The following USP46 variants were observed in gnomAD, a reference collection of about 807,000 sequenced individuals.
USP46 encodes the protein ubiquitin carboxyl-terminal hydrolase 46.
Under a neutral mutation model 44.4 loss-of-function variants are expected in USP46, and 12 were observed. The observed-to-expected ratio is 0.27, with a 90% confidence interval of 0.17 to 0.44. The LOEUF (loss-of-function observed/expected upper bound fraction) is 0.44, where lower values mean the gene tolerates loss of function less well. Ranked by LOEUF, USP46 falls within the 20% of genes least tolerant of loss-of-function variation. USP46 has a pLI of 1.00. For missense variants in USP46, 248 were observed against 444.8 expected (o/e 0.56, Z 3.98); for synonymous variants, 155 against 161.5 (o/e 0.96, Z 0.31).
chr4:52,591,510 A>G lies in USP46; in HGVS notation c.*6130T>C, dbSNP rs1716010342. 1 of 152,222 alleles carries G rather than the reference A, an allele frequency of 6.6e-6. No individual in the cohort carries two copies. The highest frequency in any genetic ancestry group is 1.5e-5 in the Non-Finnish European group (1 of 68,036). 9.4% of individuals were successfully genotyped at this position (152,222 alleles called of 1,614,324 possible). A position where few individuals can be genotyped will look rare whatever the true frequency, so the allele number is the denominator to read the frequency against. On this transcript the variant is annotated 3_prime_UTR_variant, in exon 9 of 9. Coordinates refer to ENST00000441222, the MANE Select transcript of USP46 (RefSeq NM_022832.4). ...CTTTCTCTCACTCTTGGGAAAGAAA[A>G]AAGTGAAAGATGCATCCGTGTAATT...
Position 52,597,639 on chromosome 4 carries a change from G to A in USP46, c.*1C>T. ...GTGAATCAGTCCCGCAGGTCTTTCA[G>A]TTACTCTCTTGACTGATAGAATAAA... is the stretch of plus-strand genomic sequence containing the variant. On this transcript the variant is annotated 3_prime_UTR_variant, in exon 9 of 9. Coordinates refer to ENST00000441222, the MANE Select transcript of USP46 (RefSeq NM_022832.4). 1 of 1,571,582 alleles carries A rather than the reference G, an allele frequency of 6.4e-7. No individual in the cohort carries two copies. Among genetic ancestry groups the A allele is most frequent in the Non-Finnish European group, 8.7e-7 (1 of 1,154,744 alleles).
intron 1 of USP46, among the ~76,000 whole-genome samples, chr4:52,639,564 A>G (rs573035591): frequency 4.1e-4 from 63 of 152,332 alleles, no homozygotes; most frequent in African/African-American, 1.4e-3. Context: ...GAAGCTGCAC[A>G]CATTACTTTT....
chr4:52,647,155 A>T (rs1005391476), intron 1 of USP46, among the ~76,000 whole-genome samples: 1 of 152,238 alleles, frequency 6.6e-6, no homozygotes, highest in Non-Finnish European at 1.5e-5. Flanking sequence ...CCATAAAAAA[A>T]GAATGAGGTG....
At chr4:52,624,644 C>T (rs924112630) in intron 4 of USP46, among the ~76,000 whole-genome samples, 6 of 152,124 alleles carry the variant, frequency 3.9e-5, no homozygotes, top group Non-Finnish European at 8.8e-5. Flanking sequence ...GGTCACAGCT[C>T]GCAATGGACT....
Position 52,659,188 on chromosome 4 carries a change from T to C in USP46, c.-38A>G. ...TGCAGCGATCCCTCACCGCCATCTT[T>C]ACAAGGGGAAACCGGGACTGCCCAT... is the stretch of plus-strand genomic sequence containing the variant. On this transcript the variant is annotated 5_prime_UTR_variant, in exon 1 of 9. It removes the in-frame stop codon of an upstream open reading frame in the 5' UTR. Coordinates refer to ENST00000441222, the MANE Select transcript of USP46 (RefSeq NM_022832.4). This position sits in a 1 kb window ranked among gnomAD's most constrained non-coding sequence, Gnocchi z 4.2. The C allele has an allele frequency of 1.3e-6, 2 of 1,524,880 alleles. No individual in the cohort carries two copies. Among genetic ancestry groups the C allele is most frequent in the Non-Finnish European group, 1.8e-6 (2 of 1,135,024 alleles). The allele number at this position is 1,524,880 out of a possible 1,614,324, so 94.5% of individuals were successfully genotyped here.
chr4:52,613,877 T>C (rs1717027702), intron 4 of USP46, among the ~76,000 whole-genome samples: 1 of 152,154 alleles, frequency 6.6e-6, no homozygotes, highest in African/African-American at 2.4e-5. Context: ...AGACCAATCC[T>C]GGGATGACCC....
chr4:52,632,954 AAG>A (rs1234745580), intron 1 of USP46, among the ~76,000 whole-genome samples: 1 of 76,736 alleles, frequency 1.3e-5, no homozygotes, highest in Non-Finnish European at 2.5e-5. Context: ...GAAAGAAAGA[AAG>A]AAAGAAAGAA....
At chr4:52,625,855 G>T (rs935251336) in intron 4 of USP46, among the ~76,000 whole-genome samples, 163 bp downstream of exon 4, 1 of 152,214 alleles carries the variant, frequency 6.6e-6, no homozygotes, top group Non-Finnish European at 1.5e-5. Context: ...GGATGGATAT[G>T]TGCTTCCAAA....
chr4:52,625,980 G>A (rs1717568280), intron 4 of USP46, 38 bp downstream of exon 4: 4 of 1,568,388 alleles, frequency 2.6e-6, no homozygotes, highest in Non-Finnish European at 2.6e-6. Flanking sequence ...ACATAAATAT[G>A]AACATGCGAG....
At chr4:52,613,647 A>G (rs1265644694) in intron 4 of USP46, among the ~76,000 whole-genome samples, 1 of 151,240 alleles carries the variant, frequency 6.6e-6, no homozygotes, top group Admixed American at 6.6e-5. Context: ...ACTTGAACCC[A>G]GGAGGCGGAG....
At chr4:52,620,670 A>G (rs1292443319) in intron 4 of USP46, among the ~76,000 whole-genome samples, 1 of 152,246 alleles carries the variant, frequency 6.6e-6, no homozygotes, top group Non-Finnish European at 1.5e-5. Context: ...ACTCGCTCAT[A>G]TACTCAGTGT....
intron 4 of USP46, among the ~76,000 whole-genome samples, chr4:52,624,243 G>T (rs931184898): frequency 1.3e-5 from 2 of 152,156 alleles, no homozygotes; most frequent in African/African-American, 4.8e-5. Context: ...AAAGTAGAAA[G>T]GAACAGAGGG....
chr4:52,627,631 G>GGCCAATGA, intron 3 of USP46, among the ~76,000 whole-genome samples: 1 of 152,234 alleles, frequency 6.6e-6, no homozygotes, highest in South Asian at 2.1e-4. Flanking sequence ...AACCAATTTA[G>GGCCAATGA]GCCAATGAGT....
chr4:52,616,077 G>T (rs575944540), intron 4 of USP46, among the ~76,000 whole-genome samples: 6 of 152,144 alleles, frequency 3.9e-5, no homozygotes, highest in Non-Finnish European at 7.4e-5. Context: ...ATTATAGAAT[G>T]CCACACCCAA....
Position 52,597,629 on chromosome 4 carries a change from A to G in USP46, c.*11T>C, listed in dbSNP as rs1294045025. ...TTCTCCCCACGTGAATCAGTCCCGC[A>G]GGTCTTTCAGTTACTCTCTTGACTG... On this transcript the variant is annotated 3_prime_UTR_variant, in exon 9 of 9. Transcript: ENST00000441222. 1 of 1,543,244 alleles carries G rather than the reference A, an allele frequency of 6.5e-7. No homozygotes were observed. The highest frequency in any genetic ancestry group is 1.4e-5 in the African/African-American group (1 of 73,456).
Position 52,624,979 on chromosome 4 carries a change from G to A in USP46, c.561+1039C>T, listed in dbSNP as rs150328246. The stretch of plus-strand genomic sequence containing the variant: ...GTTTAAGCAACTCATGAGGGATTGC[G>A]TTGTAGCAGACCAGACTAAGACACA... On this transcript the variant is annotated intron_variant, in intron 4 of 8. Transcript: ENST00000441222. Among the ~76,000 whole-genome samples the A allele has an allele frequency of 1.5e-3, 225 of 152,272 alleles. 3 individuals carry two copies. The East Asian group carries it at 0.021, about 14-fold the overall frequency.
rs17051596 is a variant in USP46, at chr4:52,606,729, A to G, written c.639-2145T>C. ...GAAGCCAGCATGAACCCTAACCAAC[A>G]GTCTCAACAAAGAAACGACATAATC... On this transcript the variant is annotated intron_variant, in intron 5 of 8. Transcript: ENST00000441222. 9.2e-3 allele frequency among the ~76,000 whole-genome samples: 1,405 copies of G among 152,328 alleles called. 16 individuals are homozygous for G. Among genetic ancestry groups the G allele is most frequent in the African/African-American group, 0.032 (1,334 of 41,576 alleles).
At chr4:52,629,336 G>A (rs1717717915) in intron 2 of USP46, among the ~76,000 whole-genome samples, 12 of 152,162 alleles carry the variant, frequency 7.9e-5, no homozygotes, top group Admixed American at 6.5e-4. Context: ...CATTCAAAGG[G>A]AACATAAATG....
chr4:52,632,990 A>AAAGAAAGAAAGAAAGAAAGAAAAG, intron 1 of USP46, among the ~76,000 whole-genome samples: 4 of 66,294 alleles, frequency 6.0e-5, no homozygotes, highest in African/African-American at 1.8e-4. Flanking sequence ...GAAAGAAAAG[A>AAAGAAAGAAAGAAAGAAAGAAAAG]AAAGAAAGAA....
Sources: gnomAD v4.1 joint callset for allele counts (sites outside exome capture counted in the v4.1 genomes callset) on GRCh38, gnomAD v4.1.1 for gene constraint, Gnocchi (gnomAD v3.1) non-coding constraint, MANE v1.5 for transcripts, NCBI Gene and HGNC (gene_info 2026-07-23, HGNC 2026-07-21) for gene names.